RAD51B: variants seen among roughly 807,000 people sequenced by gnomAD.
RAD51B encodes the protein RAD51 paralog B.
In RAD51B, 38 loss-of-function variants were observed where a neutral mutation model predicts 42.2. The ratio of observed to expected loss-of-function variants is 0.90; its 90% CI spans 0.70 to 1.18. The LOEUF is 1.18. Among genes scored for constraint, RAD51B ranks in the 50% most tolerant of loss-of-function variants. The pLI is 0.00. For missense variants in RAD51B, 373 were observed against 400.7 expected, an observed-to-expected ratio of 0.93 and a Z score of 0.59; for synonymous variants, 154 against 145.2, an observed-to-expected ratio of 1.06 and a Z score of -0.43.
intron 7 of RAD51B, among the ~76,000 whole-genome samples, chr14:68,262,991 C>A (rs1317415339): frequency 6.6e-6 from 1 of 152,148 alleles, no homozygotes; most frequent in East Asian, 1.9e-4. Context: ...ATTTGTCATG[C>A]TTTTCTCTTG....
intron 10 of RAD51B, among the ~76,000 whole-genome samples, chr14:68,609,988 C>G (rs899890837): frequency 9.2e-5 from 14 of 152,192 alleles, no homozygotes; most frequent in Non-Finnish European, 2.1e-4. Context: ...CACATCGCTT[C>G]TGTCTCTCTC....
intron 7 of RAD51B, among the ~76,000 whole-genome samples, chr14:67,959,831 G>A (rs557423169): frequency 6.6e-6 from 1 of 152,246 alleles, no homozygotes; most frequent in East Asian, 1.9e-4. Flanking sequence ...TGTAACCCTA[G>A]CACTTTGGGA....
intron 7 of RAD51B, among the ~76,000 whole-genome samples, chr14:68,018,002 T>C (rs528042307): frequency 7.2e-6 from 1 of 138,336 alleles, no homozygotes; most frequent in African/African-American, 2.9e-5. Flanking sequence ...ATAAATAAAT[T>C]TTAACTGCAG....
At chr14:67,861,518 G>A (rs1364626799) in intron 4 of RAD51B, among the ~76,000 whole-genome samples, 1 of 149,948 alleles carries the variant, frequency 6.7e-6, no homozygotes, top group African/African-American at 2.5e-5. Flanking sequence ...GCCACTTGCA[G>A]TAAGTTATGT....
chr14:67,936,801 T>C (rs1302967255), intron 7 of RAD51B, among the ~76,000 whole-genome samples: 1 of 152,192 alleles, frequency 6.6e-6, no homozygotes, highest in Non-Finnish European at 1.5e-5. Flanking sequence ...GTTATGTCAT[T>C]GTGGTTTTTG....
intron 8 of RAD51B, among the ~76,000 whole-genome samples, chr14:68,317,731 A>C (rs946190909): frequency 6.6e-6 from 1 of 152,212 alleles, no homozygotes; most frequent in East Asian, 1.9e-4. Flanking sequence ...AGACCATTTA[A>C]GGGAAGAATT....
chr14:68,468,312 G>A (rs776045584), intron 10 of RAD51B, 62 bp downstream of exon 10: 2 of 1,478,176 alleles, frequency 1.4e-6, no homozygotes, highest in Non-Finnish European at 9.5e-7. Context: ...ATTGCTAGTG[G>A]TAATTAGTGC....
intron 10 of RAD51B, among the ~76,000 whole-genome samples, chr14:68,490,872 C>T (rs974416566): frequency 1.4e-4 from 22 of 151,978 alleles, no homozygotes; most frequent in African/African-American, 4.4e-4. Context: ...AAGGGGAGAG[C>T]GGGGAGTTAG....
At chr14:68,396,332 A>C (rs1432003771) in intron 8 of RAD51B, among the ~76,000 whole-genome samples, 1 of 152,222 alleles carries the variant, frequency 6.6e-6, no homozygotes, top group South Asian at 2.1e-4. Context: ...AGATGAAAAC[A>C]TGGGCTAACG....
chr14:68,341,877 A>G (rs1371038885), intron 8 of RAD51B, among the ~76,000 whole-genome samples: 3 of 152,198 alleles, frequency 2.0e-5, no homozygotes, highest in Non-Finnish European at 4.4e-5. Context: ...TGGAAAGAAT[A>G]TATGTCCACC....
intron 7 of RAD51B, among the ~76,000 whole-genome samples, chr14:68,132,868 A>G (rs963140856): frequency 6.6e-6 from 1 of 152,216 alleles, no homozygotes; most frequent in African/African-American, 2.4e-5. Flanking sequence ...TTAGTGAGAA[A>G]AACCTTGGAA....
At chr14:68,310,371 G>A (rs998090388) in intron 8 of RAD51B, among the ~76,000 whole-genome samples, 8 of 152,210 alleles carry the variant, frequency 5.3e-5, no homozygotes, top group East Asian at 3.9e-4. Context: ...ATGAATTTTC[G>A]ACTGTTTCAC....
Position 68,451,043 on chromosome 14 carries a change from G to A in RAD51B, c.958-17129G>A, listed in dbSNP as rs369848228. On this transcript the variant is annotated intron_variant, in intron 9 of 10. Coordinates refer to ENST00000471583, the MANE Select transcript of RAD51B (RefSeq NM_133510.4). Reference sequence around the variant, plus strand: ...ACTCCTGTGATGGTCAGTATTCTCAGCTTCAGGGCCCTCTGTTTCAGGCAA... The same window carrying A: ...ACTCCTGTGATGGTCAGTATTCTCAACTTCAGGGCCCTCTGTTTCAGGCAA... Among the ~76,000 whole-genome samples the A allele has an allele frequency of 1.8e-4, 28 of 152,218 alleles. No homozygotes were observed. In the East Asian group the frequency reaches 2.1e-3, roughly 12 times the overall value.
In RAD51B at chr14:68,463,703, A is replaced by C. The variant is rs115441266; in HGVS notation, c.958-4469A>C. 5.3e-3 allele frequency among the ~76,000 whole-genome samples: 804 copies of C among 152,328 alleles called. 12 individuals carry two copies. Among genetic ancestry groups the C allele is most frequent in the African/African-American group, 0.018 (760 of 41,576 alleles). On this transcript the variant is annotated intron_variant, in intron 9 of 10. Transcript: ENST00000471583. ...CAGGTTAGAAAACCCATAGAAAAGC[A>C]ATATGAATTTTCACTCCAGTCCTCT...
At chr14:68,650,749 C>G (rs1892683360) in intron 10 of RAD51B, 1 of 740,910 alleles carries the variant, frequency 1.3e-6, no homozygotes, top group Non-Finnish European at 2.5e-6. Flanking sequence ...AAGCTAGGTT[C>G]CTTACAACCT....
At chr14:68,602,838 C>CCAT (rs1369835788) in intron 10 of RAD51B, among the ~76,000 whole-genome samples, 1 of 152,148 alleles carries the variant, frequency 6.6e-6, no homozygotes, top group Non-Finnish European at 1.5e-5. Context: ...ATAACATTAC[C>CCAT]CATCATGCTT....
intron 10 of RAD51B, among the ~76,000 whole-genome samples, chr14:68,493,683 C>T (rs952175456): frequency 2.6e-5 from 4 of 152,186 alleles, no homozygotes; most frequent in Admixed American, 2.6e-4. Flanking sequence ...GAGAGGCAGC[C>T]TCTGAGTCTC....
intron 8 of RAD51B, among the ~76,000 whole-genome samples, chr14:68,389,291 C>T (rs1005805340): frequency 6.6e-6 from 1 of 152,112 alleles, no homozygotes; most frequent in African/African-American, 2.4e-5. Context: ...ACCCCTCCAC[C>T]CTCATCCCAA....
intron 7 of RAD51B, among the ~76,000 whole-genome samples, chr14:68,288,032 T>G (rs1432448931): frequency 6.6e-6 from 1 of 152,126 alleles, no homozygotes; most frequent in African/African-American, 2.4e-5. Context: ...TTACACAAAT[T>G]TAGTACTGAG....
Sources: allele counts gnomAD v4.1 joint callset (sites outside exome capture counted in the v4.1 genomes callset), GRCh38; gene constraint gnomAD v4.1.1; transcripts MANE v1.5; gene names NCBI Gene and HGNC (gene_info 2026-07-23, HGNC 2026-07-21).